Variants in BMPR1B observed in about 807,000 individuals in gnomAD.
The protein encoded by BMPR1B is bone morphogenetic protein receptor type 1B.
A neutral mutation model predicts 59.1 loss-of-function variants in BMPR1B; 12 were observed. The observed-to-expected ratio is 0.20, with a 90% confidence interval of 0.13 to 0.33. BMPR1B has a LOEUF of 0.33. BMPR1B is among the 10% of genes least tolerant of loss of function. The pLI is 1.00. For missense variants in BMPR1B, 550 were observed against 610.9 expected (o/e 0.90, Z 1.05); for synonymous variants, 237 against 207.3 (o/e 1.14, Z -1.23).
chr4:94,850,612 C>T (rs1725530222), intron 1 of BMPR1B, among the ~76,000 whole-genome samples: 1 of 152,016 alleles, frequency 6.6e-6, no homozygotes, highest in Admixed American at 6.6e-5. Context: ...ATCTTTTTCC[C>T]ATTGAATTTC....
At chr4:94,943,371 G>A (rs533650003) in intron 2 of BMPR1B, among the ~76,000 whole-genome samples, 43 of 152,160 alleles carry the variant, frequency 2.8e-4, no homozygotes, top group African/African-American at 9.6e-4. Context: ...ACTCCTGCCC[G>A]TCTCAGCCTC....
intron 3 of BMPR1B, among the ~76,000 whole-genome samples, chr4:95,014,158 A>G (rs575057715): frequency 6.6e-6 from 1 of 152,334 alleles, no homozygotes; most frequent in Admixed American, 6.5e-5. Flanking sequence ...ATTCTATAAT[A>G]GTTGAGACAG....
chr4:94,978,374 G>A (rs1312734840), intron 2 of BMPR1B, among the ~76,000 whole-genome samples: 1 of 152,222 alleles, frequency 6.6e-6, no homozygotes, highest in Non-Finnish European at 1.5e-5. Context: ...ATTTGGAACA[G>A]TGACAGGCTG....
intron 8 of BMPR1B, among the ~76,000 whole-genome samples, chr4:95,127,037 A>G (rs1376848291): frequency 2.7e-5 from 2 of 74,282 alleles, no homozygotes; most frequent in Non-Finnish European, 6.9e-5. Context: ...TGTTGTAAGA[A>G]TTAAGACTGT....
intron 3 of BMPR1B, among the ~76,000 whole-genome samples, chr4:95,072,187 GC>G (rs975209413): frequency 2.0e-4 from 31 of 152,182 alleles, no homozygotes; most frequent in African/African-American, 7.2e-4. Context: ...GAAAGGGTCA[GC>G]CTTTTTGTTC....
At chr4:94,997,098 AACT>A (rs1722112632) in intron 3 of BMPR1B, among the ~76,000 whole-genome samples, 1 of 152,214 alleles carries the variant, frequency 6.6e-6, no homozygotes, top group Non-Finnish European at 1.5e-5. Context: ...CTGTGGCCTT[AACT>A]AGAGGAGAGT....
intron 12 of BMPR1B, among the ~76,000 whole-genome samples, chr4:95,154,269 C>A (rs1041123824): frequency 1.3e-5 from 2 of 152,140 alleles, no homozygotes; most frequent in African/African-American, 4.8e-5. Flanking sequence ...AATACAGACT[C>A]CCTGGGTATT....
At position 95,131,435 on chromosome 4, in the gene BMPR1B, G is replaced by A; in HGVS notation, c.999G>A (p.Leu333=). 6.2e-7 allele frequency: 1 copy of A among 1,614,030 alleles called. No individual in the cohort carries two copies. The highest frequency in any genetic ancestry group is 8.5e-7 in the Non-Finnish European group (1 of 1,179,990). The change falls in exon 10 of 13, where the codon CTG becomes CTA. Residue 333 remains leucine (L), a synonymous_variant. Coordinates refer to ENST00000515059, the MANE Select transcript of BMPR1B (RefSeq NM_001203.3). The part of the protein sequence containing the change: ...QGKPAIAHRD[L]KSKNILVKKN... Reference sequence around the variant, plus strand: ...AACCAGCAATTGCCCATCGAGATCTGAAAAGTAAAAACATTCTGGTGAAGA... The same window carrying A: ...AACCAGCAATTGCCCATCGAGATCTAAAAAGTAAAAACATTCTGGTGAAGA...
chr4:94,966,593 ATGAAGTGGACGTTC>A (rs1730563408), intron 2 of BMPR1B, among the ~76,000 whole-genome samples: 1 of 152,232 alleles, frequency 6.6e-6, no homozygotes, highest in African/African-American at 2.4e-5. Context: ...GAAATCCATT[ATGAAGTGGACGTTC>A]TTTAAACAAT....
rs568629610 is a variant in BMPR1B at position 94,779,114 on chromosome 4, A to G, written c.-183+21046A>G. On this transcript the variant is annotated intron_variant, in intron 1 of 12. Transcript: ENST00000515059. Reference sequence around the variant, plus strand: ...CTTTGTCCACCCCAACATCATAATGATATTCTCTTAATAGTCTTAATCTAT... The same window carrying G: ...CTTTGTCCACCCCAACATCATAATGGTATTCTCTTAATAGTCTTAATCTAT... 5.3e-5 allele frequency among the ~76,000 whole-genome samples: 8 copies of G among 152,194 alleles called. No homozygotes were observed. The East Asian group carries it at 1.5e-3, about 29-fold the overall frequency.
intron 11 of BMPR1B, among the ~76,000 whole-genome samples, chr4:95,150,186 G>A (rs1397427343): frequency 6.6e-6 from 1 of 152,212 alleles, no homozygotes; most frequent in Non-Finnish European, 1.5e-5. Flanking sequence ...TCTCTGAAGT[G>A]AGGGAACTAT....
intron 2 of BMPR1B, among the ~76,000 whole-genome samples, chr4:94,877,937 T>A (rs903129568): frequency 1.3e-5 from 2 of 152,328 alleles, no homozygotes; most frequent in East Asian, 3.9e-4. Context: ...ATTTCCTGTG[T>A]TTGTGTGCAT....
chr4:95,156,087 T>C lies in BMPR1B; in HGVS notation c.*1414T>C, dbSNP rs1735400838. The stretch of plus-strand genomic sequence containing the variant: ...TATATTTTCTCTTCTGTGGCACTTA[T>C]ACAAAATATCTCTTCACCTACTTAG... On this transcript the variant is annotated 3_prime_UTR_variant, in exon 13 of 13. Coordinates refer to ENST00000515059, the MANE Select transcript of BMPR1B (RefSeq NM_001203.3). The C allele has an allele frequency of 1.3e-5, 2 of 152,228 alleles. No individual in the cohort carries two copies. The highest frequency in any genetic ancestry group is 6.5e-5 in the Admixed American group (1 of 15,282). The allele number at this position is 152,228 out of a possible 1,614,324, so 9.4% of individuals were successfully genotyped here. A position where few individuals can be genotyped will look rare whatever the true frequency, so the allele number is the denominator to read the frequency against.
chr4:94,836,419 G>T (rs1724822478), intron 1 of BMPR1B, among the ~76,000 whole-genome samples: 1 of 137,984 alleles, frequency 7.2e-6, no homozygotes, highest in Non-Finnish European at 1.6e-5. Flanking sequence ...TCCAGCACCT[G>T]TTGTTTCCTG....
intron 6 of BMPR1B, among the ~76,000 whole-genome samples, chr4:95,121,939 G>T (rs1444988304): frequency 6.6e-6 from 1 of 152,178 alleles, no homozygotes; most frequent in African/African-American, 2.4e-5. Flanking sequence ...TTACAGAATT[G>T]TGTATAACAA....
chr4:94,803,471 A>G (rs1312510567), intron 1 of BMPR1B, among the ~76,000 whole-genome samples: 2 of 152,190 alleles, frequency 1.3e-5, no homozygotes, highest in Non-Finnish European at 2.9e-5. Flanking sequence ...GGGACTGTTG[A>G]GAAGTGGAGA....
chr4:95,061,890 C>CGGTGG (rs1727426735), intron 3 of BMPR1B, among the ~76,000 whole-genome samples: 1 of 152,056 alleles, frequency 6.6e-6, no homozygotes, highest in African/African-American at 2.4e-5. Flanking sequence ...TGGATCTTGG[C>CGGTGG]GGTGGTTTTC....
At chr4:95,029,429 A>T (rs902430973) in intron 3 of BMPR1B, among the ~76,000 whole-genome samples, 2 of 138,192 alleles carry the variant, frequency 1.4e-5, no homozygotes, top group Non-Finnish European at 3.0e-5. Flanking sequence ...ACATGAACAC[A>T]TCATTTTTTA....
intron 2 of BMPR1B, among the ~76,000 whole-genome samples, chr4:94,956,802 TTTAA>T (rs1407892770): frequency 1.8e-5 from 2 of 110,326 alleles, no homozygotes; most frequent in East Asian, 4.1e-4. Context: ...AAAGAAAGAA[TTTAA>T]TTTTTTTTTT....
Sources: gnomAD v4.1 joint callset for allele counts (sites outside exome capture counted in the v4.1 genomes callset) on GRCh38, gnomAD v4.1.1 for gene constraint, MANE v1.5 for transcripts, NCBI Gene and HGNC (gene_info 2026-07-23, HGNC 2026-07-21) for gene names.